Variants in IL34 observed in about 807,000 individuals in gnomAD.
IL34 encodes the protein interleukin-34.
In IL34, 17 loss-of-function variants were observed where a neutral mutation model predicts 25.3. The observed-to-expected ratio is 0.67, with a 90% CI of 0.46 to 1.01. The LOEUF is 1.01. Among genes scored for constraint, IL34 ranks in the 50% least tolerant of loss-of-function variants. The pLI is 0.00. For synonymous variants in IL34, 174 were observed against 140.9 expected (o/e 1.23, Z -1.66); for missense variants, 368 against 312.9 (o/e 1.18, Z -1.33).
At chr16:70,601,937 G>C (rs945085187) in intron 1 of IL34, among the ~76,000 whole-genome samples, 1 of 152,242 alleles carries the variant, frequency 6.6e-6, no homozygotes. Flanking sequence ...CGAAGGGCAA[G>C]GGCCACACAC....
chr16:70,610,036 T>C (rs35070148), intron 1 of IL34, among the ~76,000 whole-genome samples: 8 of 152,086 alleles, frequency 5.3e-5, no homozygotes, highest in Non-Finnish European at 1.2e-4. Flanking sequence ...AAACCGTCTC[T>C]ACTAAAAATA....
At chr16:70,593,141 T>C (rs954023424) in intron 1 of IL34, among the ~76,000 whole-genome samples, 5 of 152,176 alleles carry the variant, frequency 3.3e-5, no homozygotes, top group African/African-American at 1.2e-4. Flanking sequence ...TGTCCATTTT[T>C]TAACTGGGTT....
Position 70,660,011 on chromosome 16 carries a change from G to A in IL34, c.553G>A (p.Val185Ile), listed in dbSNP as rs773341434. Residue 185 changes from valine to isoleucine, a missense_variant, in exon 6 of 6, where the codon GTC becomes ATC. Val to Ile is a conservative substitution (Grantham distance 29). Coordinates refer to ENST00000288098, the MANE Select transcript of IL34 (RefSeq NM_001393494.1). ...LYCSCCKQSS[V>I]LNWQDCEVPS... is the part of the protein sequence containing the mutation. ...ATCTCTTGCAGGTAAACAAAGCTCC[G>A]TCCTAAACTGGCAGGACTGTGAGGT... 54 of 1,593,730 alleles carry A rather than the reference G, an allele frequency of 3.4e-5. No individual in the cohort carries two copies. Among genetic ancestry groups the A allele is most frequent in the Admixed American group, 1.3e-4 (7 of 54,576 alleles).
chr16:70,630,457 C>A (rs926233530), intron 1 of IL34, among the ~76,000 whole-genome samples: 2 of 151,166 alleles, frequency 1.3e-5, no homozygotes, highest in African/African-American at 4.8e-5. Flanking sequence ...GTCTCGAATT[C>A]CTGACCTCAG....
chr16:70,639,788 T>C (rs1373703758), intron 1 of IL34, among the ~76,000 whole-genome samples: 1 of 152,172 alleles, frequency 6.6e-6, no homozygotes. Flanking sequence ...ACCCTGTCTC[T>C]ACAAAAACTA....
intron 1 of IL34, among the ~76,000 whole-genome samples, chr16:70,652,903 C>T (rs535170674): frequency 1.2e-4 from 19 of 152,202 alleles, no homozygotes; most frequent in East Asian, 5.8e-4. Context: ...ATTGTTAAAA[C>T]GAAATGAGCT....
intron 1 of IL34, among the ~76,000 whole-genome samples, chr16:70,648,693 T>C (rs1358161825): frequency 6.7e-6 from 1 of 149,936 alleles, no homozygotes; most frequent in Admixed American, 6.6e-5. Flanking sequence ...GAGCAGCAGA[T>C]TGAGGTGGGG....
chr16:70,626,733 T>A (rs1373218293), intron 1 of IL34, among the ~76,000 whole-genome samples: 1 of 152,160 alleles, frequency 6.6e-6, no homozygotes, highest in Non-Finnish European at 1.5e-5. Context: ...TCTATTATTT[T>A]ATATTCAAAT....
chr16:70,591,972 TG>T (rs1371063036), intron 1 of IL34, among the ~76,000 whole-genome samples: 1 of 151,674 alleles, frequency 6.6e-6, no homozygotes, highest in African/African-American at 2.4e-5. Context: ...CTGTCCTGGG[TG>T]GGGGCCCTGG....
intron 1 of IL34, among the ~76,000 whole-genome samples, chr16:70,587,356 G>A (rs1185934609): frequency 2.0e-5 from 3 of 151,910 alleles, no homozygotes; most frequent in African/African-American, 4.8e-5. Flanking sequence ...TGCAAGCTCC[G>A]CCTCCCGGGT....
Position 70,652,508 on chromosome 16 carries a change from A to G in IL34, c.29-2030A>G, listed in dbSNP as rs79157491. On this transcript the variant is annotated intron_variant, in intron 1 of 5. Coordinates refer to ENST00000288098, the MANE Select transcript of IL34 (RefSeq NM_001393494.1). ...CCCATAGAGATTTGGTAGTCATGCT[A>G]TGAACACAGATAGTGTTGAGTCATG... Among the ~76,000 whole-genome samples the G allele has an allele frequency of 4.5e-3, 689 of 152,338 alleles. 7 individuals carry two copies. Among genetic ancestry groups the G allele is most frequent in the African/African-American group, 0.015 (606 of 41,570 alleles).
upstream of IL34, among the ~76,000 whole-genome samples, chr16:70,645,961 G>A (rs183589943): frequency 2.0e-5 from 3 of 152,186 alleles, no homozygotes; most frequent in Non-Finnish European, 4.4e-5. Context: ...GCTGAAGCAG[G>A]AGAATTGCTT....
intron 1 of IL34, among the ~76,000 whole-genome samples, chr16:70,621,263 T>C (rs1211625722): frequency 6.6e-6 from 1 of 152,066 alleles, no homozygotes; most frequent in Non-Finnish European, 1.5e-5. Context: ...CCTGCAATGA[T>C]TAAACACCAA....
intron 1 of IL34, 150 bp from the exon 2 acceptor site, chr16:70,654,388 C>T: frequency 2.9e-6 from 3 of 1,026,090 alleles, no homozygotes; most frequent in South Asian, 3.6e-5. Context: ...CCAGGGAAAG[C>T]ATTCCAGATC....
intron 1 of IL34, among the ~76,000 whole-genome samples, chr16:70,650,121 G>A (rs989681869): frequency 6.6e-6 from 1 of 152,106 alleles, no homozygotes; most frequent in Non-Finnish European, 1.5e-5. Context: ...TCTTACCTCT[G>A]GGCTAAGACA....
At chr16:70,619,738 G>T (rs907993714) in intron 1 of IL34, among the ~76,000 whole-genome samples, 2 of 152,208 alleles carry the variant, frequency 1.3e-5, no homozygotes, top group African/African-American at 4.8e-5. Context: ...CAGCCGCTAA[G>T]CCGAGAAGAT....
chr16:70,612,839 C>A (rs766066194), intron 1 of IL34, among the ~76,000 whole-genome samples: 32 of 152,112 alleles, frequency 2.1e-4, no homozygotes, highest in Non-Finnish European at 2.9e-4. Flanking sequence ...AGGGTGGAGT[C>A]CAGTGGTACA....
At chr16:70,636,099 C>T (rs1346485056) in intron 1 of IL34, among the ~76,000 whole-genome samples, 1 of 151,450 alleles carries the variant, frequency 6.6e-6, no homozygotes, top group East Asian at 1.9e-4. Flanking sequence ...AGTGCAGTGG[C>T]ATGATCTCAA....
intron 1 of IL34, among the ~76,000 whole-genome samples, chr16:70,626,648 AG>A (rs1231085479): frequency 2.0e-5 from 3 of 152,198 alleles, no homozygotes; most frequent in African/African-American, 7.2e-5. Flanking sequence ...TGCCCACCTC[AG>A]CCTCCCAAAG....
Sources: gnomAD v4.1 joint callset for allele counts (sites outside exome capture counted in the v4.1 genomes callset) on GRCh38, gnomAD v4.1.1 for gene constraint, MANE v1.5 for transcripts, NCBI Gene and HGNC (gene_info 2026-07-23, HGNC 2026-07-21) for gene names.